The following EDNRB variants were observed in gnomAD, a reference collection of about 807,000 sequenced individuals.
EDNRB encodes the protein endothelin receptor type B.
A neutral mutation model predicts 46.4 loss-of-function variants in EDNRB; 18 were observed. The ratio of observed to expected loss-of-function variants is 0.39; its 90% CI spans 0.27 to 0.57. EDNRB has a LOEUF of 0.57. Among genes scored for constraint, EDNRB ranks in the 20% least tolerant of loss-of-function variants. EDNRB has a pLI of 0.61. For missense variants in EDNRB, 434 were observed against 537.5 expected (o/e 0.81, Z 1.90); for synonymous variants, 213 against 204.9 (o/e 1.04, Z -0.34).
chr13:77,912,852 T>A (rs763769310), intron 1 of EDNRB, among the ~76,000 whole-genome samples: 29 of 152,160 alleles, frequency 1.9e-4, no homozygotes, highest in Non-Finnish European at 4.0e-4. Context: ...ATATTTCAGT[T>A]ACTTGACTGG....
intron 1 of EDNRB, among the ~76,000 whole-genome samples, chr13:77,929,897 C>T (rs1051467130): frequency 7.9e-5 from 12 of 152,240 alleles, no homozygotes; most frequent in South Asian, 4.1e-4. Flanking sequence ...CAGTATAGTG[C>T]GTGGAATACA....
upstream of EDNRB, chr13:77,919,639 C>A: frequency 6.4e-7 from 1 of 1,573,342 alleles, no homozygotes; most frequent in South Asian, 1.1e-5. Context: ...TCAATCACCG[C>A]CAGACTCCTC....
At chr13:77,952,306 C>A (rs144940172) in intron 1 of EDNRB, among the ~76,000 whole-genome samples, 1 of 152,116 alleles carries the variant, frequency 6.6e-6, no homozygotes, top group Non-Finnish European at 1.5e-5. Context: ...GATTAAGTTT[C>A]TTCATTACTA....
At chr13:77,928,382 C>A (rs560601648) in intron 1 of EDNRB, among the ~76,000 whole-genome samples, 10 of 152,176 alleles carry the variant, frequency 6.6e-5, no homozygotes, top group Non-Finnish European at 1.5e-4. Context: ...GGAAATATTT[C>A]ATTCCCTTTA....
rs562396473 is a variant in EDNRB, at chr13:77,897,945, T to C, written c.*255A>G. On this transcript the variant is annotated 3_prime_UTR_variant, in exon 7 of 7. Coordinates refer to ENST00000646607, the MANE Select transcript of EDNRB (RefSeq NM_001122659.3). ...ATCCTGGAAGTTGTTAAGAGCTATGTTGAAGTGCTAACTGTAAAAAATTAA... is the reference window on the plus strand; with the variant it reads ...ATCCTGGAAGTTGTTAAGAGCTATGCTGAAGTGCTAACTGTAAAAAATTAA... The C allele has an allele frequency of 1.4e-5, 18 of 1,251,836 alleles. No homozygotes were observed. The highest frequency in any genetic ancestry group is 1.8e-5 in the Non-Finnish European group (18 of 988,184). 77.5% of individuals were successfully genotyped at this position (1,251,836 alleles called of 1,614,324 possible).
At chr13:77,919,706 A>G, upstream of EDNRB, 1 of 1,299,614 alleles carries the variant, frequency 7.7e-7, no homozygotes, top group Non-Finnish European at 1.1e-6. Flanking sequence ...GGACAGCATC[A>G]GTAGTAGTTG....
intron 1 of EDNRB, among the ~76,000 whole-genome samples, chr13:77,960,949 G>C (rs1397441789): frequency 1.3e-5 from 2 of 151,752 alleles, no homozygotes; most frequent in African/African-American, 2.4e-5. Context: ...GACAAAGAAG[G>C]CCATTACATA....
At chr13:77,930,631 G>T (rs768422275) in intron 1 of EDNRB, among the ~76,000 whole-genome samples, 6 of 152,198 alleles carry the variant, frequency 3.9e-5, no homozygotes, top group Non-Finnish European at 7.4e-5. Context: ...ATGCACATTA[G>T]TGCAGAGCTG....
At chr13:77,964,022 G>T (rs1881505825) in intron 1 of EDNRB, among the ~76,000 whole-genome samples, 1 of 152,192 alleles carries the variant, frequency 6.6e-6, no homozygotes, top group African/African-American at 2.4e-5. Flanking sequence ...ATGAAAAAAT[G>T]TGCCTCATCA....
intron 1 of EDNRB, among the ~76,000 whole-genome samples, chr13:77,925,963 T>A (rs118009669): frequency 9.1e-4 from 138 of 152,360 alleles, no homozygotes; most frequent in Non-Finnish European, 1.7e-3. Flanking sequence ...ATGACCCAGA[T>A]GCGAGATATG....
chr13:77,972,601 C>T (rs1185495490), intron 1 of EDNRB, among the ~76,000 whole-genome samples: 1 of 152,024 alleles, frequency 6.6e-6, no homozygotes, highest in Admixed American at 6.6e-5. Context: ...TTACCAATGC[C>T]CAGTCTAAAG....
chr13:77,949,201 A>G (rs1881018198), intron 1 of EDNRB, among the ~76,000 whole-genome samples: 1 of 152,220 alleles, frequency 6.6e-6, no homozygotes, highest in Admixed American at 6.5e-5. Flanking sequence ...AAAATCTACA[A>G]CAAGGAGGGA....
chr13:77,925,882 C>A (rs1250810662), intron 1 of EDNRB, among the ~76,000 whole-genome samples: 2 of 152,150 alleles, frequency 1.3e-5, no homozygotes, highest in Non-Finnish European at 2.9e-5. Context: ...CAGCCAGAGG[C>A]GAGGCTGTAC....
chr13:77,931,593 T>C (rs1880402514), intron 1 of EDNRB, among the ~76,000 whole-genome samples: 1 of 151,842 alleles, frequency 6.6e-6, no homozygotes. Context: ...CGCCAGGGCG[T>C]CTAATTGTGT....
At chr13:77,903,710 CTGG>C (rs1480430219) in intron 1 of EDNRB, 103 bp from the exon 2 acceptor site, 5 of 966,646 alleles carry the variant, frequency 5.2e-6, no homozygotes, top group Non-Finnish European at 6.5e-6. Context: ...AGGATAAACT[CTGG>C]TTGTCATTCT....
intron 1 of EDNRB, among the ~76,000 whole-genome samples, chr13:77,957,769 G>T (rs1881283030): frequency 6.6e-6 from 1 of 152,168 alleles, no homozygotes; most frequent in Non-Finnish European, 1.5e-5. Context: ...GATATATTTT[G>T]TGAAGGAAAC....
intron 1 of EDNRB, among the ~76,000 whole-genome samples, chr13:77,924,968 C>T (rs1486171514): frequency 6.6e-6 from 1 of 152,198 alleles, no homozygotes; most frequent in African/African-American, 2.4e-5. Flanking sequence ...GTCCAATAAA[C>T]TTCTTTCTTT....
chr13:77,947,279 C>T (rs1413122152), intron 1 of EDNRB, among the ~76,000 whole-genome samples: 1 of 151,398 alleles, frequency 6.6e-6, no homozygotes, highest in African/African-American at 2.4e-5. Context: ...TATTGGATGA[C>T]CACCTCAACA....
At chr13:77,931,262 C>T (rs765553107) in intron 1 of EDNRB, among the ~76,000 whole-genome samples, 12 of 152,236 alleles carry the variant, frequency 7.9e-5, no homozygotes, top group East Asian at 1.9e-4. Context: ...TATTTAAAGT[C>T]ACACTCCCAA....
Sources: allele counts gnomAD v4.1 joint callset (sites outside exome capture counted in the v4.1 genomes callset), GRCh38; gene constraint gnomAD v4.1.1; transcripts MANE v1.5; gene names NCBI Gene and HGNC (gene_info 2026-07-23, HGNC 2026-07-21).